Variants in CNTNAP2 observed in about 807,000 individuals in gnomAD.
The protein encoded by CNTNAP2 is contactin associated protein 2.
A neutral mutation model predicts 155.2 loss-of-function variants in CNTNAP2; 98 were observed. The ratio of observed to expected loss-of-function variants is 0.63; its 90% CI spans 0.54 to 0.75. CNTNAP2 has a LOEUF of 0.75. CNTNAP2 is among the 30% of genes least tolerant of loss of function. The pLI is 0.00. For synonymous variants in CNTNAP2, 651 were observed against 631.2 expected (o/e 1.03, Z -0.47); for missense variants, 1,727 against 1,688.1 (o/e 1.02, Z -0.40).
At chr7:146,713,899 A>G (rs911134798) in intron 1 of CNTNAP2, among the ~76,000 whole-genome samples, 2 of 152,190 alleles carry the variant, frequency 1.3e-5, no homozygotes, top group Admixed American at 1.3e-4. Flanking sequence ...TACCTAGCTC[A>G]GAGCATTATT....
At chr7:146,756,039 A>G (rs190789683) in intron 1 of CNTNAP2, among the ~76,000 whole-genome samples, 3 of 151,378 alleles carry the variant, frequency 2.0e-5, no homozygotes, top group Admixed American at 2.0e-4. Flanking sequence ...GAGTTAAATA[A>G]TATGATATTC....
At chr7:147,965,704 C>T (rs1801197964) in intron 14 of CNTNAP2, among the ~76,000 whole-genome samples, 1 of 151,992 alleles carries the variant, frequency 6.6e-6, no homozygotes, top group Non-Finnish European at 1.5e-5. Flanking sequence ...TTTTCAACTT[C>T]TTTGGTTCAT....
chr7:146,218,280 C>T (rs1799147763), intron 1 of CNTNAP2, among the ~76,000 whole-genome samples: 3 of 152,128 alleles, frequency 2.0e-5, no homozygotes, highest in Non-Finnish European at 4.4e-5. Context: ...GAGGCCGAGG[C>T]GGGCAGATCA....
At chr7:147,429,680 G>A (rs1208414066) in intron 10 of CNTNAP2, among the ~76,000 whole-genome samples, 1 of 152,048 alleles carries the variant, frequency 6.6e-6, no homozygotes, top group East Asian at 1.9e-4. Flanking sequence ...TTATCTTCTA[G>A]AATTTTTATC....
chr7:146,843,045 G>A (rs1294966441), intron 3 of CNTNAP2, among the ~76,000 whole-genome samples: 4 of 80,764 alleles, frequency 5.0e-5, no homozygotes, highest in African/African-American at 1.2e-4. Flanking sequence ...TCGCTCTGTC[G>A]CCCAGGCCGG....
At chr7:146,966,981 C>T (rs1797670403) in intron 3 of CNTNAP2, among the ~76,000 whole-genome samples, 1 of 152,116 alleles carries the variant, frequency 6.6e-6, no homozygotes, top group African/African-American at 2.4e-5. Context: ...GGAAGTGAAG[C>T]ACTTGGTAGA....
intron 1 of CNTNAP2, among the ~76,000 whole-genome samples, chr7:146,459,065 G>A (rs562731265): frequency 2.0e-5 from 3 of 152,210 alleles, no homozygotes; most frequent in South Asian, 4.1e-4. Flanking sequence ...AAGGCAACAA[G>A]ATTATATTTC....
chr7:146,747,152 G>A (rs1237614578), intron 1 of CNTNAP2, among the ~76,000 whole-genome samples: 1 of 152,016 alleles, frequency 6.6e-6, no homozygotes, highest in African/African-American at 2.4e-5. Context: ...TTATGTGCAT[G>A]GCTATCTGAT....
At chr7:146,331,261 G>T (rs1202916821) in intron 1 of CNTNAP2, among the ~76,000 whole-genome samples, 2 of 143,856 alleles carry the variant, frequency 1.4e-5, no homozygotes, top group East Asian at 4.1e-4. Flanking sequence ...CCGAGATCGC[G>T]CCACTGCACT....
chr7:146,921,532 G>A (rs1563002879), intron 3 of CNTNAP2, among the ~76,000 whole-genome samples: 1 of 152,068 alleles, frequency 6.6e-6, no homozygotes, highest in African/African-American at 2.4e-5. Flanking sequence ...TGCATAGCTG[G>A]GGAGGCCTCA....
intron 15 of CNTNAP2, among the ~76,000 whole-genome samples, chr7:147,998,103 CTTTTTTTTTTTTTTT>C (rs71188938): frequency 1.3e-5 from 1 of 75,804 alleles, no homozygotes; most frequent in Non-Finnish European, 2.3e-5. Flanking sequence ...TTTCTTTTTT[CTTTTTTTTTTTTTTT>C]TTTTTTTTTT....
At chr7:146,462,096 G>A (rs866135756) in intron 1 of CNTNAP2, among the ~76,000 whole-genome samples, 1 of 152,114 alleles carries the variant, frequency 6.6e-6, no homozygotes, top group Non-Finnish European at 1.5e-5. Context: ...GCTTGAATGA[G>A]TTAGAAGACC....
intron 1 of CNTNAP2, among the ~76,000 whole-genome samples, chr7:146,240,646 T>C (rs1799545955): frequency 2.0e-5 from 3 of 152,190 alleles, no homozygotes; most frequent in African/African-American, 7.2e-5. Context: ...AGACATTTTT[T>C]CTCAAATTAA....
At chr7:148,350,587 A>G (rs1021892493) in intron 21 of CNTNAP2, among the ~76,000 whole-genome samples, 2 of 152,252 alleles carry the variant, frequency 1.3e-5, no homozygotes, top group African/African-American at 4.8e-5. Flanking sequence ...CACAAAGTGC[A>G]CTTCAGTTGA....
At chr7:146,474,040 C>T (rs1369635120) in intron 1 of CNTNAP2, among the ~76,000 whole-genome samples, 1 of 152,080 alleles carries the variant, frequency 6.6e-6, no homozygotes, top group African/African-American at 2.4e-5. Context: ...TAGTAAAACC[C>T]TCTCTACTCT....
chr7:146,430,781 T>G (rs902758854), intron 1 of CNTNAP2, among the ~76,000 whole-genome samples: 11 of 152,060 alleles, frequency 7.2e-5, no homozygotes, highest in African/African-American at 2.7e-4. Flanking sequence ...AATACTCAAC[T>G]GTGTGTATAA....
At chr7:146,660,015 C>T (rs190567002) in intron 1 of CNTNAP2, among the ~76,000 whole-genome samples, 134 of 152,306 alleles carry the variant, frequency 8.8e-4, no homozygotes, top group African/African-American at 3.1e-3. Flanking sequence ...GCCAAGGGCA[C>T]GGTTATGCTG....
chr7:147,692,611 A>G lies in CNTNAP2; in HGVS notation c.2098+53305A>G, dbSNP rs189267980. ...TTTGCATTTCTCTGATGACATGAGCATTTTTTCTTATGCTTATCTGCCATC... is the reference window on the plus strand; with the variant it reads ...TTTGCATTTCTCTGATGACATGAGCGTTTTTTCTTATGCTTATCTGCCATC... On this transcript the variant is annotated intron_variant, in intron 13 of 23. Coordinates refer to ENST00000361727, the MANE Select transcript of CNTNAP2 (RefSeq NM_014141.6). Among the ~76,000 whole-genome samples the G allele has an allele frequency of 4.0e-4, 61 of 152,036 alleles. 1 individual carries two copies. The East Asian group carries it at 0.011, about 27-fold the overall frequency.
intron 10 of CNTNAP2, among the ~76,000 whole-genome samples, chr7:147,402,836 C>T (rs932586522): frequency 1.3e-5 from 2 of 151,872 alleles, no homozygotes; most frequent in African/African-American, 4.8e-5. Context: ...ACATTAGACC[C>T]TCAAAGGCCA....
Sources: allele counts gnomAD v4.1 joint callset (sites outside exome capture counted in the v4.1 genomes callset), GRCh38; gene constraint gnomAD v4.1.1; transcripts MANE v1.5; gene names NCBI Gene and HGNC (gene_info 2026-07-23, HGNC 2026-07-21).